DGKG: variants seen among roughly 807,000 people sequenced by gnomAD.
The protein encoded by DGKG is DAG kinase gamma.
In DGKG, 78 loss-of-function variants were observed where a neutral mutation model predicts 105.3. That is an observed-to-expected ratio of 0.74 (90% CI 0.62 to 0.89). DGKG has a LOEUF of 0.89. DGKG is among the 40% of genes least tolerant of loss of function. The probability of loss-of-function intolerance (pLI) is 0.00; values close to 1 mark genes in which losing one functional copy is unlikely to be tolerated. For synonymous variants in DGKG, 346 were observed against 367.1 expected, an observed-to-expected ratio of 0.94 and a Z score of 0.66; for missense variants, 958 against 1,020.1, an observed-to-expected ratio of 0.94 and a Z score of 0.83.
intron 22 of DGKG, 122 bp from the exon 23 acceptor site, chr3:186,165,140 C>CTT: frequency 9.8e-7 from 1 of 1,024,160 alleles, no homozygotes; most frequent in South Asian, 1.8e-5. Flanking sequence ...CACCAAACAC[C>CTT]TTTTTCATAT....
chr3:186,251,842 G>T lies in DGKG; in HGVS notation c.1678C>A (p.Leu560Met). The stretch of plus-strand genomic sequence containing the variant: ...ACTTCCTCTCTGGGGATGACTTCCA[G>T]ATGCCAGCGGTCCAGCATCACCAAG... ...SPLVMLDRWH[L>M]EVIPREEVEN... The change falls in exon 19 of 25, where the codon CTG becomes ATG. Residue 560 changes from leucine (L) to methionine (M), a missense_variant. By Grantham distance (15) the Leu-to-Met change is conservative (BLOSUM62 2). This residue lies in a region of DGKG where 315 missense variants were observed against 400.6 expected (regional missense o/e 0.79). Coordinates refer to ENST00000265022, the MANE Select transcript of DGKG (RefSeq NM_001346.3). The T allele has an allele frequency of 6.2e-7, 1 of 1,613,552 alleles. No homozygotes were observed. The highest frequency in any genetic ancestry group is 8.5e-7 in the Non-Finnish European group (1 of 1,179,678).
intron 20 of DGKG, among the ~76,000 whole-genome samples, chr3:186,236,937 T>C (rs1420171342): frequency 6.6e-6 from 1 of 152,264 alleles, no homozygotes; most frequent in East Asian, 1.9e-4. Flanking sequence ...GTTAGACTTC[T>C]CTTTCTAGAC....
intron 24 of DGKG, among the ~76,000 whole-genome samples, chr3:186,157,746 C>T (rs1045644043): frequency 2.6e-5 from 4 of 152,144 alleles, no homozygotes; most frequent in African/African-American, 9.7e-5. Context: ...CTCCATCGCC[C>T]AGGCTGGAGT....
At position 186,333,047 on chromosome 3, in the gene DGKG, T is replaced by C. The variant is rs116309509; in HGVS notation, c.-248-12340A>G. Among the ~76,000 whole-genome samples, 623 of 152,272 alleles carry C rather than the reference T, an allele frequency of 4.1e-3. 7 individuals carry two copies. The highest frequency in any genetic ancestry group is 0.014 in the African/African-American group (576 of 41,550). ...TCAACCTTGGACTTCTCACCCTCCA[T>C]AACCGTAAGAAATAAGTTCCTTTTC... On this transcript the variant is annotated intron_variant, in intron 1 of 24. Coordinates refer to ENST00000265022, the MANE Select transcript of DGKG (RefSeq NM_001346.3).
intron 17 of DGKG, among the ~76,000 whole-genome samples, chr3:186,255,817 G>A (rs1290411191): frequency 6.6e-6 from 1 of 152,190 alleles, no homozygotes; most frequent in East Asian, 1.9e-4. Flanking sequence ...ACCATGGGGG[G>A]GCGCTGCAGA....
At chr3:186,213,205 T>C (rs141482307) in intron 20 of DGKG, among the ~76,000 whole-genome samples, 66 of 152,342 alleles carry the variant, frequency 4.3e-4, no homozygotes, top group African/African-American at 1.5e-3. Context: ...GAATTATGCC[T>C]CATGAACAAA....
intron 20 of DGKG, among the ~76,000 whole-genome samples, chr3:186,232,113 A>G (rs1720181058): frequency 6.6e-6 from 1 of 152,228 alleles, no homozygotes; most frequent in African/African-American, 2.4e-5. Context: ...GCTGCATAAC[A>G]TCTGAAATAG....
intron 14 of DGKG, among the ~76,000 whole-genome samples, chr3:186,263,010 C>T (rs1721850174): frequency 6.6e-6 from 1 of 151,810 alleles, no homozygotes; most frequent in South Asian, 2.1e-4. Flanking sequence ...GCCTGTAATC[C>T]CAGCTACTCG....
intron 13 of DGKG, among the ~76,000 whole-genome samples, chr3:186,265,881 A>G (rs925134601): frequency 6.6e-6 from 1 of 152,014 alleles, no homozygotes; most frequent in African/African-American, 2.4e-5. Context: ...CATGTTGGCC[A>G]GGATGGTCTC....
chr3:186,357,766 C>T (rs979475212), intron 1 of DGKG, among the ~76,000 whole-genome samples: 1 of 152,142 alleles, frequency 6.6e-6, no homozygotes, highest in African/African-American at 2.4e-5. Flanking sequence ...CAGTGGAAAA[C>T]GAGACAGACA....
chr3:186,351,142 C>G (rs1340046514), intron 1 of DGKG, among the ~76,000 whole-genome samples: 10 of 152,114 alleles, frequency 6.6e-5, no homozygotes, highest in Non-Finnish European at 7.3e-5. Context: ...TGATGACTTA[C>G]AGTTGGTTGG....
Position 186,299,841 on chromosome 3 carries a change from T to TTTCCTTC in DGKG, c.145-1613_145-1612insGAAGGAA, listed in dbSNP as rs1446531456. On this transcript the variant is annotated intron_variant, in intron 3 of 24. Transcript: ENST00000265022. ...TCTTTCTTTCTTTCTTTCTTTCTTT[T>TTTCCTTC]TTTTTTTTTTTGAGATAGAGCCTTG... is the stretch of plus-strand genomic sequence containing the variant. Among the ~76,000 whole-genome samples the TTTCCTTC allele has an allele frequency of 3.2e-3, 239 of 74,660 alleles. 11 individuals carry two copies. Among genetic ancestry groups the TTTCCTTC allele is most frequent in the African/African-American group, 0.013 (227 of 17,088 alleles). 49.0% of individuals were successfully genotyped at this position (74,660 alleles called of 152,430 possible).
chr3:186,210,759 A>C lies in DGKG; in HGVS notation c.1917+1036T>G. On this transcript the variant is annotated intron_variant, in intron 21 of 24. Transcript: ENST00000265022. This position sits in a 1 kb window ranked among gnomAD's most constrained non-coding sequence, Gnocchi z 5.2. ...GGCTTAGAGGCCAAGCTGGTGGGCC[A>C]AGAGGAGCCCACCCTGGCTGAACTC... The C allele has an allele frequency of 2.9e-6, 1 of 343,540 alleles. No individual in the cohort carries two copies. The highest frequency in any genetic ancestry group is 5.7e-6 in the Non-Finnish European group (1 of 175,480). The allele number at this position is 343,540 out of a possible 1,614,324, so 21.3% of individuals were successfully genotyped here. A position where few individuals can be genotyped will look rare whatever the true frequency, so the allele number is the denominator to read the frequency against.
chr3:186,251,796 G>A lies in DGKG; in HGVS notation c.1724C>T (p.Pro575Leu). The A allele has an allele frequency of 6.2e-7, 1 of 1,614,160 alleles. No homozygotes were observed. The highest frequency in any genetic ancestry group is 8.5e-7 in the Non-Finnish European group (1 of 1,180,010). The change falls in exon 19 of 25, where the codon CCA becomes CTA. Residue 575 changes from proline to leucine, a missense_variant. Pro to Leu is a moderately conservative substitution (Grantham distance 98, BLOSUM62 -3). Transcript: ENST00000265022. ...REEVENGDQV[P>L]YSIMNNYFSI... The stretch of plus-strand genomic sequence containing the variant: ...GAAATAGTTGTTCATGATGCTGTAT[G>A]GGACCTGGTCCCCGTTTTCCACTTC...
At chr3:186,240,027 T>A (rs111880723) in intron 20 of DGKG, among the ~76,000 whole-genome samples, 12 of 152,216 alleles carry the variant, frequency 7.9e-5, no homozygotes, top group African/African-American at 2.9e-4. Context: ...GAGAAATTTC[T>A]CCCTCCCTCT....
At chr3:186,253,314 AAC>A in intron 17 of DGKG, 132 bp from the exon 18 acceptor site, 1 of 698,472 alleles carries the variant, frequency 1.4e-6, no homozygotes, top group South Asian at 1.6e-5. Flanking sequence ...CCTGATGGGA[AAC>A]ACACTACTTC....
intron 19 of DGKG, among the ~76,000 whole-genome samples, chr3:186,248,348 C>T (rs1280308706): frequency 6.6e-6 from 1 of 152,272 alleles, no homozygotes; most frequent in Non-Finnish European, 1.5e-5. Context: ...TCTTGCTCCT[C>T]AGCTCTGGCT....
chr3:186,174,467 G>T (rs999717965), intron 22 of DGKG, among the ~76,000 whole-genome samples: 1 of 152,146 alleles, frequency 6.6e-6, no homozygotes, highest in African/African-American at 2.4e-5. Context: ...AAGGTTGGGG[G>T]AGGATTCTGA....
chr3:186,172,764 G>A (rs1716883919), intron 22 of DGKG, among the ~76,000 whole-genome samples: 1 of 152,226 alleles, frequency 6.6e-6, no homozygotes, highest in Non-Finnish European at 1.5e-5. Context: ...TCTACACTAA[G>A]TTCTTGAGGA....
Sources: gnomAD v4.1 joint callset for allele counts (sites outside exome capture counted in the v4.1 genomes callset) on GRCh38, gnomAD v4.1.1 for gene constraint, gnomAD v4.1.1 regional missense constraint, Gnocchi (gnomAD v3.1) non-coding constraint, MANE v1.5 for transcripts, NCBI Gene and HGNC (gene_info 2026-07-23, HGNC 2026-07-21) for gene names.